The following PRKN variants were observed in gnomAD, a reference collection of about 807,000 sequenced individuals.
PRKN encodes the protein parkin RBR E3 ubiquitin protein ligase.
In PRKN, 56 loss-of-function variants were observed where a neutral mutation model predicts 59.5. The observed-to-expected ratio is 0.94, with a 90% CI of 0.76 to 1.18. The LOEUF (loss-of-function observed/expected upper bound fraction) is 1.18. Ranked by LOEUF, PRKN falls within the 50% of genes most tolerant of loss-of-function variation. PRKN has a pLI of 0.00. For missense variants in PRKN, 657 were observed against 596.4 expected (o/e 1.10, Z -1.06); for synonymous variants, 250 against 222.1 (o/e 1.13, Z -1.12).
chr6:162,566,154 C>T (rs1780068628), intron 1 of PRKN, among the ~76,000 whole-genome samples: 1 of 152,104 alleles, frequency 6.6e-6, no homozygotes, highest in South Asian at 2.1e-4. Flanking sequence ...GACTTCAGTA[C>T]CCCACTTTCA....
At chr6:161,679,997 G>A (rs1414642980) in intron 7 of PRKN, among the ~76,000 whole-genome samples, 1 of 151,776 alleles carries the variant, frequency 6.6e-6, no homozygotes, top group African/African-American at 2.4e-5. Context: ...CTCATGATCT[G>A]CCCGCCTCAG....
At chr6:161,611,889 A>T (rs1471843691) in intron 7 of PRKN, among the ~76,000 whole-genome samples, 1 of 152,248 alleles carries the variant, frequency 6.6e-6, no homozygotes, top group Non-Finnish European at 1.5e-5. Flanking sequence ...CTATTGAAGG[A>T]CATTTAAAAT....
At chr6:162,433,092 C>A (rs1226625698) in intron 2 of PRKN, among the ~76,000 whole-genome samples, 1 of 152,056 alleles carries the variant, frequency 6.6e-6, no homozygotes, top group Non-Finnish European at 1.5e-5. Flanking sequence ...CAGAATAAAT[C>A]GTGGGATGAA....
intron 1 of PRKN, among the ~76,000 whole-genome samples, chr6:162,706,549 G>A (rs189736238): frequency 3.9e-5 from 6 of 152,272 alleles, no homozygotes; most frequent in Non-Finnish European, 8.8e-5. Flanking sequence ...AAGGCTGGGC[G>A]GCCATGTCGT....
chr6:161,508,251 C>T (rs1778248147), intron 9 of PRKN, among the ~76,000 whole-genome samples: 1 of 152,164 alleles, frequency 6.6e-6, no homozygotes, highest in Non-Finnish European at 1.5e-5. Context: ...TGTGTACTTG[C>T]TTTTGAATTC....
chr6:161,521,340 G>C (rs1421282339), intron 9 of PRKN, among the ~76,000 whole-genome samples: 3 of 152,162 alleles, frequency 2.0e-5, no homozygotes, highest in Non-Finnish European at 4.4e-5. Context: ...CATTGTTGCA[G>C]GTCTGACAAA....
intron 6 of PRKN, among the ~76,000 whole-genome samples, chr6:161,951,617 G>A (rs1484522383): frequency 6.6e-6 from 1 of 152,154 alleles, no homozygotes; most frequent in Non-Finnish European, 1.5e-5. Context: ...TATCTGGAAG[G>A]AGAAATATAA....
intron 4 of PRKN, among the ~76,000 whole-genome samples, chr6:162,105,595 T>C (rs1048699465): frequency 2.0e-5 from 3 of 152,090 alleles, no homozygotes; most frequent in African/African-American, 7.2e-5. Context: ...AGATGGGGTT[T>C]CACCACCTTG....
chr6:161,396,295 AATG>A lies in PRKN; in HGVS notation c.1084-9421_1084-9419del. On this transcript the variant is annotated intron_variant, in intron 9 of 11. Coordinates refer to ENST00000366898, the MANE Select transcript of PRKN (RefSeq NM_004562.3). This position sits in a 1 kb window ranked among gnomAD's most constrained non-coding sequence, Gnocchi z 5.4. ...TGGTTGCAAGCTGGAACTCTTGTTCAATGATATGTTCACACCATCCTGTTCATC... is the reference window on the plus strand; with the variant it reads ...TGGTTGCAAGCTGGAACTCTTGTTCAATATGTTCACACCATCCTGTTCATC... Among the ~76,000 whole-genome samples, 1 of 152,288 alleles carries A rather than the reference AATG, an allele frequency of 6.6e-6. No homozygotes were observed. Among genetic ancestry groups the A allele is most frequent in the East Asian group, 1.9e-4 (1 of 5,182 alleles).
intron 1 of PRKN, among the ~76,000 whole-genome samples, chr6:162,725,424 G>C (rs1050993861): frequency 1.4e-4 from 22 of 152,154 alleles, no homozygotes; most frequent in African/African-American, 4.1e-4. Flanking sequence ...CACTGTTCAC[G>C]ACACCCAAAT....
intron 1 of PRKN, among the ~76,000 whole-genome samples, chr6:162,465,232 G>C (rs1791362696): frequency 1.3e-5 from 2 of 152,206 alleles, no homozygotes; most frequent in South Asian, 4.1e-4. Flanking sequence ...AAGGCGGTTA[G>C]CTTATCTCTC....
chr6:162,548,339 G>A (rs1421618763), intron 1 of PRKN, among the ~76,000 whole-genome samples: 1 of 152,132 alleles, frequency 6.6e-6, no homozygotes, highest in Non-Finnish European at 1.5e-5. Context: ...TTACAGGCGT[G>A]AGCCACCGTG....
At chr6:162,701,545 T>C (rs1001022457) in intron 1 of PRKN, among the ~76,000 whole-genome samples, 1 of 151,990 alleles carries the variant, frequency 6.6e-6, no homozygotes, top group Non-Finnish European at 1.5e-5. Context: ...ACATGAACTA[T>C]TAATCATTTT....
At chr6:161,780,361 C>G (rs545224964) in intron 7 of PRKN, among the ~76,000 whole-genome samples, 7 of 152,134 alleles carry the variant, frequency 4.6e-5, no homozygotes, top group South Asian at 2.1e-4. Flanking sequence ...TCCACAAAGA[C>G]TTAATGTACA....
At chr6:162,312,849 T>G (rs1782579084) in intron 2 of PRKN, among the ~76,000 whole-genome samples, 1 of 152,150 alleles carries the variant, frequency 6.6e-6, no homozygotes, top group Non-Finnish European at 1.5e-5. Context: ...TCCTGGAGTT[T>G]AGAACATTCA....
chr6:162,434,899 G>GA (rs1221900023), intron 2 of PRKN, among the ~76,000 whole-genome samples: 4 of 152,012 alleles, frequency 2.6e-5, no homozygotes, highest in African/African-American at 9.7e-5. Context: ...AGTAAAAAGG[G>GA]AAAAAAGTAA....
chr6:162,266,279 G>A (rs2128101446), intron 2 of PRKN, among the ~76,000 whole-genome samples: 1 of 150,052 alleles, frequency 6.7e-6, no homozygotes, highest in Non-Finnish European at 1.5e-5. Flanking sequence ...TTAGAGCTTG[G>A]ACAGTATATA....
At chr6:161,589,077 A>G (rs181849609) in intron 7 of PRKN, among the ~76,000 whole-genome samples, 1 of 152,344 alleles carries the variant, frequency 6.6e-6, no homozygotes, top group East Asian at 1.9e-4. Flanking sequence ...GAAATAGTAT[A>G]TTTCCTAGAA....
chr6:162,568,145 T>A (rs549737767), intron 1 of PRKN, among the ~76,000 whole-genome samples: 139 of 152,114 alleles, frequency 9.1e-4, no homozygotes, highest in African/African-American at 3.3e-3. Flanking sequence ...ATAGAAAACC[T>A]CAAACTATGA....
Sources: gnomAD v4.1 joint callset for allele counts (sites outside exome capture counted in the v4.1 genomes callset) on GRCh38, gnomAD v4.1.1 for gene constraint, Gnocchi (gnomAD v3.1) non-coding constraint, MANE v1.5 for transcripts, NCBI Gene and HGNC (gene_info 2026-07-23, HGNC 2026-07-21) for gene names.